GLTP: variants seen among roughly 807,000 people sequenced by gnomAD.
GLTP encodes glycolipid transfer protein.
Under a neutral mutation model 24.0 loss-of-function variants are expected in GLTP, and 22 were observed. The observed-to-expected ratio is 0.92, with a 90% confidence interval of 0.65 to 1.31. GLTP has a LOEUF of 1.31. Ranked by LOEUF, GLTP falls within the 50% of genes most tolerant of loss-of-function variation. GLTP has a pLI of 0.00. For synonymous variants in GLTP, 92 were observed against 115.9 expected (o/e 0.79, Z 1.33); for missense variants, 224 against 276.6 (o/e 0.81, Z 1.35).
intron 1 of GLTP, among the ~76,000 whole-genome samples, chr12:109,867,904 A>G (rs1279276763): frequency 6.6e-6 from 1 of 151,376 alleles, no homozygotes; most frequent in Non-Finnish European, 1.5e-5. Context: ...CAGCTTCCTG[A>G]GTAGCTGGGA....
intron 1 of GLTP, among the ~76,000 whole-genome samples, chr12:109,875,611 C>G (rs980069712): frequency 1.3e-5 from 2 of 152,200 alleles, no homozygotes; most frequent in East Asian, 1.9e-4. Flanking sequence ...GCAAACTGAT[C>G]AGTCAGGAAA....
chr12:109,862,414 A>C (rs1868391598), intron 1 of GLTP, among the ~76,000 whole-genome samples: 1 of 152,188 alleles, frequency 6.6e-6, no homozygotes. Context: ...ATAACGCCGG[A>C]GCCAAGATCC....
chr12:109,879,840 G>T (rs999443848), intron 1 of GLTP, among the ~76,000 whole-genome samples: 1 of 152,090 alleles, frequency 6.6e-6, no homozygotes. Flanking sequence ...GAAATGGGGG[G>T]ATTCATTGTA....
At chr12:109,878,661 G>C (rs948255443) in intron 1 of GLTP, among the ~76,000 whole-genome samples, 5 of 152,032 alleles carry the variant, frequency 3.3e-5, no homozygotes, top group African/African-American at 1.2e-4. Flanking sequence ...TTCAATGCTA[G>C]AGCTGGTTCG....
intron 1 of GLTP, among the ~76,000 whole-genome samples, chr12:109,869,720 C>T (rs558166341): frequency 6.6e-5 from 10 of 151,278 alleles, no homozygotes; most frequent in Non-Finnish European, 1.3e-4. Context: ...CCGCCTGCCT[C>T]GGCCTCCCAA....
chr12:109,879,429 G>A (rs1225205856), intron 1 of GLTP, among the ~76,000 whole-genome samples: 2 of 152,204 alleles, frequency 1.3e-5, no homozygotes, highest in East Asian at 1.9e-4. Flanking sequence ...GGCTGAGGGA[G>A]TGCGGGAAGA....
At chr12:109,874,713 G>A (rs1016610822) in intron 1 of GLTP, among the ~76,000 whole-genome samples, 1 of 152,182 alleles carries the variant, frequency 6.6e-6, no homozygotes, top group Non-Finnish European at 1.5e-5. Context: ...TACAGGCTAT[G>A]AGGGGGTTAT....
At chr12:109,856,929 G>A (rs1892805151) in intron 3 of GLTP, among the ~76,000 whole-genome samples, 1 of 152,128 alleles carries the variant, frequency 6.6e-6, no homozygotes. Context: ...AGCTATTCAG[G>A]AGGCTGAGGC....
chr12:109,868,802 G>A (rs141070372), intron 1 of GLTP, among the ~76,000 whole-genome samples: 1 of 152,222 alleles, frequency 6.6e-6, no homozygotes, highest in African/African-American at 2.4e-5. Context: ...GATCATAATG[G>A]AAGACACTCA....
At chr12:109,876,076 C>T (rs1158397822) in intron 1 of GLTP, among the ~76,000 whole-genome samples, 1 of 152,184 alleles carries the variant, frequency 6.6e-6, no homozygotes, top group Non-Finnish European at 1.5e-5. Context: ...GGTGCAGTGG[C>T]TCACACCTGT....
rs765443290 is a variant in GLTP at position 109,852,694 on chromosome 12, G to T, written c.491C>A (p.Ala164Glu). The change falls in exon 5 of 5, where the codon GCG (alanine) becomes GAG (glutamate). Residue 164 changes from alanine (A) to glutamate (E), a missense_variant. By Grantham distance (107) the Ala-to-Glu change is moderately radical. Transcript: ENST00000318348. ...CGTAACATTCTGCCCCTTGGAGAGC[G>T]CTTTCAGGAAGTCAGACTTATAGGG... The part of the protein sequence containing the change: ...AAPYKSDFLK[A>E]LSKGQNVTEE... 12 of 1,612,276 alleles carry T rather than the reference G, an allele frequency of 7.4e-6. No individual in the cohort carries two copies. Among genetic ancestry groups the T allele is most frequent in the Non-Finnish European group, 1.0e-5 (12 of 1,178,460 alleles).
In GLTP at chr12:109,869,964, G is replaced by A. The variant is rs754188750; in HGVS notation, c.103+10308C>T. On this transcript the variant is annotated intron_variant, in intron 1 of 4. Coordinates refer to ENST00000318348, the MANE Select transcript of GLTP (RefSeq NM_016433.4). ...AAGAGACAAGGTTTCACCATATCTC[G>A]AACTTCTGACCTCAAGAGATCTGCC... is the stretch of plus-strand genomic sequence containing the variant. Among the ~76,000 whole-genome samples, 10 of 150,992 alleles carry A rather than the reference G, an allele frequency of 6.6e-5. 2 individuals carry two copies. The highest frequency in any genetic ancestry group is 5.3e-4 in the Admixed American group (8 of 15,122).
chr12:109,867,786 T>TC (rs1169780512), intron 1 of GLTP, among the ~76,000 whole-genome samples: 1 of 151,392 alleles, frequency 6.6e-6, no homozygotes, highest in East Asian at 1.9e-4. Flanking sequence ...CTCTTTTTTT[T>TC]TTTTTTTTTG....
At chr12:109,865,938 C>G (rs1246825731) in intron 1 of GLTP, among the ~76,000 whole-genome samples, 1 of 152,118 alleles carries the variant, frequency 6.6e-6, no homozygotes, top group East Asian at 1.9e-4. Flanking sequence ...ACCAATAAAT[C>G]TAATTATAAA....
intron 1 of GLTP, among the ~76,000 whole-genome samples, chr12:109,871,890 G>C (rs1868731570): frequency 6.6e-6 from 1 of 152,222 alleles, no homozygotes; most frequent in Non-Finnish European, 1.5e-5. Flanking sequence ...TCTGCCCCAA[G>C]GGATTCACAG....
At chr12:109,873,270 T>C (rs1868783740) in intron 1 of GLTP, among the ~76,000 whole-genome samples, 1 of 151,772 alleles carries the variant, frequency 6.6e-6, no homozygotes, top group Admixed American at 6.6e-5. Flanking sequence ...GTGGGGGAGC[T>C]TCTAACTCAC....
intron 1 of GLTP, among the ~76,000 whole-genome samples, chr12:109,871,468 C>T (rs1273445684): frequency 1.3e-5 from 2 of 152,190 alleles, no homozygotes; most frequent in Non-Finnish European, 2.9e-5. Flanking sequence ...CCCTCCTCCC[C>T]TACAAGGGAC....
intron 1 of GLTP, among the ~76,000 whole-genome samples, chr12:109,874,424 T>C (rs75319860): frequency 0.012 from 1,763 of 152,280 alleles, 18 homozygotes; most frequent in Non-Finnish European, 0.018. Context: ...GCCGGATACC[T>C]AGAAGGCCAC....
chr12:109,862,749 C>CT (rs143012012), intron 1 of GLTP, among the ~76,000 whole-genome samples: 5,677 of 151,480 alleles, frequency 0.037, 252 homozygotes, highest in African/African-American at 0.11. Context: ...GACTCCATCT[C>CT]TAAAAAAAAA....
Sources: gnomAD v4.1 joint callset for allele counts (sites outside exome capture counted in the v4.1 genomes callset) on GRCh38, gnomAD v4.1.1 for gene constraint, MANE v1.5 for transcripts, NCBI Gene and HGNC (gene_info 2026-07-23, HGNC 2026-07-21) for gene names.